Variants in TENT4A observed in about 807,000 individuals in gnomAD.
The protein encoded by TENT4A is DNA polymerase kappa.
Under a neutral mutation model 72.8 loss-of-function variants are expected in TENT4A, and 7 were observed. That is an observed-to-expected ratio of 0.10 (90% CI 0.05 to 0.18). The LOEUF is 0.18. TENT4A is among the 10% of genes least tolerant of loss of function. TENT4A has a pLI of 1.00. For synonymous variants in TENT4A, 456 were observed against 434.3 expected, an observed-to-expected ratio of 1.05 and a Z score of -0.62; for missense variants, 831 against 1,017.7, an observed-to-expected ratio of 0.82 and a Z score of 2.50.
In TENT4A at chr5:6,726,551, C is replaced by T. The variant is rs1026930322; in HGVS notation, c.717-10959C>T. 3.1e-4 allele frequency among the ~76,000 whole-genome samples: 47 copies of T among 152,250 alleles called. 1 individual carries two copies. Among genetic ancestry groups the T allele is most frequent in the African/African-American group, 1.0e-3 (42 of 41,536 alleles). Reference sequence around the variant, plus strand: ...ACCTGGCATCCACTGTCCTCTACCGCGTTTGCAGATAGGAGCCACTGTTGG... The same window carrying T: ...ACCTGGCATCCACTGTCCTCTACCGTGTTTGCAGATAGGAGCCACTGTTGG... On this transcript the variant is annotated intron_variant, in intron 1 of 12. Coordinates refer to ENST00000230859, the MANE Select transcript of TENT4A (RefSeq NM_006999.6).
At chr5:6,752,109 G>A (rs981977636) in intron 11 of TENT4A, among the ~76,000 whole-genome samples, 1 of 152,190 alleles carries the variant, frequency 6.6e-6, no homozygotes, top group African/African-American at 2.4e-5. Context: ...GCCTTTTTAT[G>A]GTCATCACAG....
At position 6,749,674 on chromosome 5, in the gene TENT4A, T is replaced by C. The variant is rs992235949; in HGVS notation, c.1687+17T>C. The C allele has an allele frequency of 3.3e-6, 5 of 1,521,964 alleles. No homozygotes were observed. In the African/African-American group the frequency reaches 5.5e-5, roughly 17 times the overall value. 94.3% of individuals were successfully genotyped at this position (1,521,964 alleles called of 1,614,324 possible). A position where few individuals can be genotyped will look rare whatever the true frequency, so the allele number is the denominator to read the frequency against. ...CAGGCATGGGTGAGAGATTAATTCA[T>C]TTGTGTTCATCCTAACCACTGGCTG... On this transcript the variant is annotated intron_variant, in intron 9 of 12. Coordinates refer to ENST00000230859, the MANE Select transcript of TENT4A (RefSeq NM_006999.6).
intron 4 of TENT4A, among the ~76,000 whole-genome samples, chr5:6,741,643 A>G (rs1157368051): frequency 1.3e-5 from 2 of 151,962 alleles, no homozygotes; most frequent in African/African-American, 4.8e-5. Flanking sequence ...TGTCCAGGTG[A>G]CTCTGGCCCC....
chr5:6,735,799 C>T (rs1741452481), intron 1 of TENT4A, among the ~76,000 whole-genome samples: 1 of 146,626 alleles, frequency 6.8e-6, no homozygotes, highest in Admixed American at 6.9e-5. Flanking sequence ...CTTGCTCTGT[C>T]GCCCAGGCTG....
intron 6 of TENT4A, chr5:6,745,982 C>T: frequency 7.4e-7 from 1 of 1,348,406 alleles, no homozygotes; most frequent in Non-Finnish European, 9.5e-7. Context: ...TATGGATTAC[C>T]AATTTCAAAA....
chr5:6,751,420 G>A (rs1019472067), intron 11 of TENT4A: 10 of 401,960 alleles, frequency 2.5e-5, no homozygotes, highest in East Asian at 8.7e-5. Context: ...GAGTGCTGCC[G>A]TGGCTTTTCA....
At chr5:6,726,962 C>T (rs923286055) in intron 1 of TENT4A, among the ~76,000 whole-genome samples, 46 of 152,250 alleles carry the variant, frequency 3.0e-4, no homozygotes, top group African/African-American at 9.9e-4. Context: ...TCTTGCTTGG[C>T]CCAGCCTCCC....
intron 10 of TENT4A, 22 bp downstream of exon 10, chr5:6,750,525 G>C (rs181348081): frequency 6.4e-7 from 1 of 1,556,706 alleles, no homozygotes; most frequent in South Asian, 1.2e-5. Context: ...CCCCTCCTCC[G>C]TGTGTCTGTT....
chr5:6,747,041 A>G (rs1228534136), intron 7 of TENT4A, among the ~76,000 whole-genome samples: 1 of 152,204 alleles, frequency 6.6e-6, no homozygotes, highest in Non-Finnish European at 1.5e-5. Context: ...GTCTTTTAAA[A>G]TCTTTGCCAA....
Position 6,714,318 on chromosome 5 carries a change from C to G in TENT4A, c.335C>G (p.Ser112Trp). 14 of 1,114,936 alleles carry G rather than the reference C, an allele frequency of 1.3e-5. No individual in the cohort carries two copies. Among genetic ancestry groups the G allele is most frequent in the Non-Finnish European group, 1.5e-5 (14 of 914,074 alleles). The allele number at this position is 1,114,936 out of a possible 1,614,324, so 69.1% of individuals were successfully genotyped here. Reference sequence around the variant, plus strand: ...AAGTCGCCGTCGCTGTCGTCCTCGTCGTCGTCCTCCTCGTCCAACGCGGAG... The same window carrying G: ...AAGTCGCCGTCGCTGTCGTCCTCGTGGTCGTCCTCCTCGTCCAACGCGGAG... ...LHKSPSLSSSSSSSSSNAESG... is the reference protein window; with the variant it reads ...LHKSPSLSSSWSSSSSNAESG... Residue 112 changes from serine (S) to tryptophan (W), a missense_variant, in exon 1 of 13, where the codon TCG becomes TGG. Around this residue, in one of 3 missense-constraint regions of TENT4A, gnomAD observed 302 missense variants for 293.8 expected, o/e 1.03. Coordinates refer to ENST00000230859, the MANE Select transcript of TENT4A (RefSeq NM_006999.6).
chr5:6,729,838 C>T (rs1448079096), intron 1 of TENT4A, among the ~76,000 whole-genome samples: 2 of 152,052 alleles, frequency 1.3e-5, no homozygotes, highest in Non-Finnish European at 2.9e-5. Context: ...TGGGTTTGCT[C>T]CGGGTGGTAC....
rs1741569336 is a variant in TENT4A, at chr5:6,737,583, G to A, written c.790G>A (p.Val264Met). ...CPEEAAMRRE[V>M]VKRIETVVKD... ...TGAAGAAGCAGCTATGAGAAGAGAG[G>A]TGGTGAAACGGATCGAAACTGTGGT... Residue 264 changes from valine (V) to methionine (M), a missense_variant, in exon 2 of 13, where the codon GTG (valine) becomes ATG (methionine). Physicochemically the swap from Val to Met is conservative, Grantham distance 21. Transcript: ENST00000230859. The A allele has an allele frequency of 1.9e-6, 3 of 1,614,134 alleles. No individual in the cohort carries two copies. The highest frequency in any genetic ancestry group is 2.5e-6 in the Non-Finnish European group (3 of 1,179,986).
chr5:6,742,388 A>G (rs1162334527), intron 4 of TENT4A, 102 bp from the exon 5 acceptor site: 2 of 729,800 alleles, frequency 2.7e-6, no homozygotes, highest in African/African-American at 1.8e-5. Flanking sequence ...TTTCATTACT[A>G]AGAAAAAACA....
In TENT4A at chr5:6,752,953, T is replaced by G. The variant is rs1742493347; in HGVS notation, c.2100T>G (p.Ser700=). 1 of 1,614,182 alleles carries G rather than the reference T, an allele frequency of 6.2e-7. No homozygotes were observed. Among genetic ancestry groups the G allele is most frequent in the South Asian group, 1.1e-5 (1 of 91,090 alleles). ...CRQAGVEGTA[S]LKAVHHMSSP... is the part of the protein sequence containing the mutation. The stretch of plus-strand genomic sequence containing the variant: ...AAGCTGGTGTAGAAGGAACTGCGTC[T>G]TTGAAAGCCGTCCACCACATGTCTT... Residue 700 remains serine, a synonymous_variant, in exon 12 of 13, where the codon TCT becomes TCG. Coordinates refer to ENST00000230859, the MANE Select transcript of TENT4A (RefSeq NM_006999.6).
intron 4 of TENT4A, among the ~76,000 whole-genome samples, chr5:6,741,028 C>T (rs374663492): frequency 3.9e-5 from 6 of 152,076 alleles, no homozygotes; most frequent in South Asian, 2.1e-4. Flanking sequence ...CAAGGGGCAG[C>T]GGGGAGGTGG....
At position 6,756,662 on chromosome 5, in the gene TENT4A, A is replaced by G. The variant is rs1579510800; in HGVS notation, c.*1717A>G. The G allele has an allele frequency of 6.6e-6, 1 of 152,602 alleles. No homozygotes were observed. The highest frequency in any genetic ancestry group is 2.4e-5 in the African/African-American group (1 of 41,458). The allele number at this position is 152,602 out of a possible 1,614,324, so 9.5% of individuals were successfully genotyped here. ...AGTTCTCGATGACCGAAAGTTATCA[A>G]AAATATTTAAAATATTTAAATTGTG... On this transcript the variant is annotated 3_prime_UTR_variant, in exon 13 of 13. Transcript: ENST00000230859.
rs1312353808 is a variant in TENT4A at position 6,714,281 on chromosome 5, C to T, written c.298C>T (p.Arg100Trp). ...TALGPAAEGA[R>W]RLHKSPSLSS... is the part of the protein sequence containing the mutation. ...GCTGGGGCCCGCGGCCGAGGGCGCG[C>T]GGCGCTTGCACAAGTCGCCGTCGCT... Residue 100 changes from arginine to tryptophan, a missense_variant, in exon 1 of 13, where the codon CGG becomes TGG. Arg to Trp is a moderately radical substitution (Grantham distance 101). This residue lies in a region of TENT4A where 302 missense variants were observed against 293.8 expected (regional missense o/e 1.03). Coordinates refer to ENST00000230859, the MANE Select transcript of TENT4A (RefSeq NM_006999.6). The T allele has an allele frequency of 2.8e-6, 3 of 1,076,290 alleles. No homozygotes were observed. Among genetic ancestry groups the T allele is most frequent in the Middle Eastern group, 8.4e-4 (2 of 2,386 alleles). 66.7% of individuals were successfully genotyped at this position (1,076,290 alleles called of 1,614,324 possible).
chr5:6,751,234 C>T (rs747988784), intron 11 of TENT4A, 37 bp downstream of exon 11: 2 of 1,609,432 alleles, frequency 1.2e-6, no homozygotes, highest in Admixed American at 1.7e-5. Context: ...GCTGGTGGCC[C>T]CTGGGAACAG....
chr5:6,714,232 G>T lies in TENT4A; in HGVS notation c.249G>T (p.Ala83=). 1.0e-6 allele frequency: 1 copy of T among 994,502 alleles called. No homozygotes were observed. Among genetic ancestry groups the T allele is most frequent in the Non-Finnish European group, 1.2e-6 (1 of 839,274 alleles). The allele number at this position is 994,502 out of a possible 1,614,324, so 61.6% of individuals were successfully genotyped here. ...CGCCCGGCCCCACCGCGCCCGCCGC[G>T]CTGCCCCCCGCGCTGCTGACGGCGC... ...PPPPGPTAPA[A]LPPALLTALG... The change falls in exon 1 of 13, where the codon GCG becomes GCT. Residue 83 remains alanine, a synonymous_variant. Transcript: ENST00000230859.
Sources: gnomAD v4.1 joint callset for allele counts (sites outside exome capture counted in the v4.1 genomes callset) on GRCh38, gnomAD v4.1.1 for gene constraint, gnomAD v4.1.1 regional missense constraint, MANE v1.5 for transcripts, NCBI Gene and HGNC (gene_info 2026-07-23, HGNC 2026-07-21) for gene names.